Variants in NAV2 observed in about 807,000 individuals in gnomAD.
The protein encoded by NAV2 is helicase, APC down-regulated 1.
In NAV2, 54 loss-of-function variants were observed where a neutral mutation model predicts 223.2. The observed-to-expected ratio is 0.24, with a 90% CI of 0.19 to 0.30. The LOEUF is 0.30. Ranked by LOEUF, NAV2 falls within the 10% of genes least tolerant of loss-of-function variation. The probability of loss-of-function intolerance (pLI) is 1.00; values close to 1 mark genes in which losing one functional copy is unlikely to be tolerated. For synonymous variants in NAV2, 1,279 were observed against 1,239.3 expected, an observed-to-expected ratio of 1.03 and a Z score of -0.67; for missense variants, 2,806 against 3,147.5, an observed-to-expected ratio of 0.89 and a Z score of 2.60.
intron 1 of NAV2, among the ~76,000 whole-genome samples, chr11:19,398,296 G>A (rs10833105): frequency 0.37 from 56,740 of 151,884 alleles, 10,847 homozygotes; most frequent in East Asian, 0.53. Context: ...GTTGGAGAAC[G>A]TACTCACTAT....
At chr11:20,014,963 G>T (rs1045998740) in intron 11 of NAV2, among the ~76,000 whole-genome samples, 2 of 151,692 alleles carry the variant, frequency 1.3e-5, no homozygotes, top group Non-Finnish European at 2.9e-5. Context: ...AGGCATGATG[G>T]CACATGCCAG....
upstream of NAV2, among the ~76,000 whole-genome samples, chr11:19,709,318 G>A (rs1034139232): frequency 5.9e-5 from 9 of 151,892 alleles, no homozygotes; most frequent in African/African-American, 9.7e-5. Flanking sequence ...CAAGGCGGGC[G>A]AATCACGAGG....
chr11:19,458,845 T>C (rs2702685), intron 1 of NAV2, among the ~76,000 whole-genome samples: 2,912 of 152,368 alleles, frequency 0.019, 93 homozygotes, highest in African/African-American at 0.067. Context: ...CCTTCATGGC[T>C]GTTGAGGTCA....
intron 1 of NAV2, among the ~76,000 whole-genome samples, chr11:19,354,774 C>G (rs187995191): frequency 3.3e-5 from 5 of 152,182 alleles, no homozygotes; most frequent in African/African-American, 1.2e-4. Flanking sequence ...GGATGTCTCC[C>G]TGAGGAGGTG....
chr11:19,387,989 C>T (rs2133191857), intron 1 of NAV2, among the ~76,000 whole-genome samples: 1 of 152,324 alleles, frequency 6.6e-6, no homozygotes, highest in Admixed American at 6.5e-5. Context: ...TGTAGAGTCC[C>T]AGGATCTTCC....
rs1367667647 is a variant in NAV2 at position 20,119,318 on chromosome 11, GCCT to G, written c.*1067_*1069del. 5 of 152,130 alleles carry G rather than the reference GCCT, an allele frequency of 3.3e-5. No individual in the cohort carries two copies. The highest frequency in any genetic ancestry group is 9.6e-5 in the African/African-American group (4 of 41,490). The allele number at this position is 152,130 out of a possible 1,614,324, so 9.4% of individuals were successfully genotyped here. On this transcript the variant is annotated 3_prime_UTR_variant, in exon 38 of 38. Transcript: ENST00000349880. ...TCCATCCTCACAGTCCTACACACTC[GCCT>G]CCTCCTGCTAGGGCTGGGGGTATCT...
intron 6 of NAV2, among the ~76,000 whole-genome samples, chr11:19,927,121 C>T (rs1488730751): frequency 6.6e-6 from 1 of 152,138 alleles, no homozygotes; most frequent in Admixed American, 6.5e-5. Context: ...CTCTAAACTC[C>T]GAGAAAAAAA....
At chr11:19,856,490 T>C (rs561832528) in intron 3 of NAV2, among the ~76,000 whole-genome samples, 1 of 152,328 alleles carries the variant, frequency 6.6e-6, no homozygotes, top group East Asian at 1.9e-4. Flanking sequence ...AAGTTATATA[T>C]TCACGATCAT....
At chr11:20,008,901 G>T (rs2053323525) in intron 11 of NAV2, among the ~76,000 whole-genome samples, 1 of 152,126 alleles carries the variant, frequency 6.6e-6, no homozygotes, top group South Asian at 2.1e-4. Context: ...AAATAGAATT[G>T]ATTCTTTTCC....
chr11:19,853,760 T>C lies in NAV2; in HGVS notation c.438+10837T>C, dbSNP rs1331644861. Among the ~76,000 whole-genome samples the C allele has an allele frequency of 5.9e-5, 9 of 152,312 alleles. No homozygotes were observed. In the East Asian group the frequency reaches 1.7e-3, roughly 29 times the overall value. ...GCTCACTTAACCTCTGTAACTTTTT[T>C]TTTTTTTTCCACTGAACGTCTGGGG... On this transcript the variant is annotated intron_variant, in intron 3 of 37. Transcript: ENST00000349880.
At chr11:19,917,501 T>C (rs1270129513) in intron 6 of NAV2, among the ~76,000 whole-genome samples, 3 of 152,190 alleles carry the variant, frequency 2.0e-5, no homozygotes, top group African/African-American at 7.2e-5. Context: ...CTCTCCCCTG[T>C]AACTGAAATG....
intron 22 of NAV2, among the ~76,000 whole-genome samples, chr11:20,070,052 C>T (rs1190488835): frequency 6.6e-6 from 1 of 152,140 alleles, no homozygotes; most frequent in Non-Finnish European, 1.5e-5. Flanking sequence ...GTTTTGTAAT[C>T]TTTTATTTTC....
intron 1 of NAV2, among the ~76,000 whole-genome samples, chr11:19,483,343 C>A (rs1490721438): frequency 2.0e-5 from 3 of 152,174 alleles, no homozygotes; most frequent in African/African-American, 7.2e-5. Flanking sequence ...TCTGTAGATG[C>A]CACCCACCCA....
chr11:19,718,891 AG>A (rs1375463605), intron 1 of NAV2, among the ~76,000 whole-genome samples: 3 of 152,170 alleles, frequency 2.0e-5, no homozygotes. Context: ...AACAGCTTAA[AG>A]TATTGAGCAC....
At chr11:19,636,489 A>ATTT (rs5790080) in intron 1 of NAV2, among the ~76,000 whole-genome samples, 4 of 136,242 alleles carry the variant, frequency 2.9e-5, no homozygotes, top group Non-Finnish European at 4.7e-5. Flanking sequence ...GTTCTGCAGT[A>ATTT]TTTTTTTTTT....
intron 32 of NAV2, among the ~76,000 whole-genome samples, chr11:20,101,936 G>T (rs1373990341): frequency 6.6e-6 from 1 of 152,204 alleles, no homozygotes; most frequent in Non-Finnish European, 1.5e-5. Context: ...GATTGGAAAT[G>T]ACTCCTTCGC....
chr11:19,457,843 T>C (rs1852009444), intron 1 of NAV2, among the ~76,000 whole-genome samples: 1 of 152,146 alleles, frequency 6.6e-6, no homozygotes. Flanking sequence ...GTCTTGCAGA[T>C]GAGTTGCAAA....
intron 3 of NAV2, among the ~76,000 whole-genome samples, chr11:19,863,201 C>T (rs117543070): frequency 2.0e-3 from 299 of 152,296 alleles, no homozygotes; most frequent in Non-Finnish European, 3.1e-3. Flanking sequence ...CAAGACTTCC[C>T]AAGGAATGAA....
chr11:19,507,676 C>A (rs1384243307), intron 1 of NAV2, among the ~76,000 whole-genome samples: 2 of 152,178 alleles, frequency 1.3e-5, no homozygotes, highest in Non-Finnish European at 2.9e-5. Flanking sequence ...TAGACAGATA[C>A]TACATGGTTT....
Sources: allele counts gnomAD v4.1 joint callset (sites outside exome capture counted in the v4.1 genomes callset), GRCh38; gene constraint gnomAD v4.1.1; transcripts MANE v1.5; gene names NCBI Gene and HGNC (gene_info 2026-07-23, HGNC 2026-07-21).